CYP7B1: variants seen among roughly 807,000 people sequenced by gnomAD.
CYP7B1 encodes cytochrome P450 family 7 subfamily B member 1, also known as cytochrome P450 7B1.
CYP7B1 carries 29 observed loss-of-function variants against 42.7 expected under a neutral mutation model. The ratio of observed to expected loss-of-function variants is 0.68; its 90% CI spans 0.51 to 0.93. The LOEUF (loss-of-function observed/expected upper bound fraction) is 0.93. Ranked by LOEUF, CYP7B1 falls within the 40% of genes least tolerant of loss-of-function variation. CYP7B1 has a pLI of 0.00. For missense variants in CYP7B1, 655 were observed against 600.5 expected (o/e 1.09, Z -0.95); for synonymous variants, 235 against 218.2 (o/e 1.08, Z -0.68).
intron 1 of CYP7B1, among the ~76,000 whole-genome samples, chr8:64,743,929 G>A (rs1170084952): frequency 1.3e-5 from 2 of 152,132 alleles, no homozygotes; most frequent in African/African-American, 2.4e-5. Context: ...AAAGTGTTAT[G>A]AGCATTCTTA....
rs757310840 is a variant in CYP7B1, at chr8:64,720,049, C to T, written c.122+78417G>A. On this transcript the variant is annotated intron_variant, in intron 1 of 5. Coordinates refer to ENST00000310193, the MANE Select transcript of CYP7B1 (RefSeq NM_004820.5). The stretch of plus-strand genomic sequence containing the variant: ...CTTCAGACCTTTATGGTTTAATTCG[C>T]AATGGTGTCCCTTTTGTCTGCCTTA... Among the ~76,000 whole-genome samples the T allele has an allele frequency of 5.5e-4, 83 of 152,272 alleles. 1 individual carries two copies. Among genetic ancestry groups the T allele is most frequent in the Non-Finnish European group, 1.2e-3 (79 of 68,018 alleles).
intron 1 of CYP7B1, among the ~76,000 whole-genome samples, chr8:64,695,721 A>C (rs1032122302): frequency 6.7e-6 from 1 of 150,186 alleles, no homozygotes; most frequent in Non-Finnish European, 1.5e-5. Flanking sequence ...ATGTGTCATC[A>C]GCACCCGAAA....
At chr8:64,673,773 T>C (rs1806401830) in intron 1 of CYP7B1, among the ~76,000 whole-genome samples, 1 of 152,088 alleles carries the variant, frequency 6.6e-6, no homozygotes, top group Admixed American at 6.6e-5. Context: ...ATCTATGCCC[T>C]GCAAACCTGC....
chr8:64,649,239 C>A (rs1806000578), intron 1 of CYP7B1, among the ~76,000 whole-genome samples: 1 of 152,190 alleles, frequency 6.6e-6, no homozygotes, highest in Non-Finnish European at 1.5e-5. Context: ...CCCTTGGCAA[C>A]TACCTTTTTA....
chr8:64,690,259 C>G (rs1485759512), intron 1 of CYP7B1, among the ~76,000 whole-genome samples: 1 of 152,152 alleles, frequency 6.6e-6, no homozygotes, highest in East Asian at 1.9e-4. Flanking sequence ...AAAAATTAAT[C>G]TGGCATGGTG....
intron 1 of CYP7B1, among the ~76,000 whole-genome samples, chr8:64,714,181 C>T (rs1807121490): frequency 6.6e-6 from 1 of 152,204 alleles, no homozygotes; most frequent in Non-Finnish European, 1.5e-5. Context: ...GTGCAATGGA[C>T]AAACATTAAC....
chr8:64,753,421 A>G (rs1273134805), intron 1 of CYP7B1, among the ~76,000 whole-genome samples: 1 of 152,228 alleles, frequency 6.6e-6, no homozygotes, highest in Non-Finnish European at 1.5e-5. Context: ...CTAAGCAAGT[A>G]TATGTAGACG....
At chr8:64,693,771 G>A (rs548316305) in intron 1 of CYP7B1, among the ~76,000 whole-genome samples, 3 of 152,046 alleles carry the variant, frequency 2.0e-5, no homozygotes, top group South Asian at 4.1e-4. Flanking sequence ...ACATATATAC[G>A]TGTGTGTGTG....
rs71260892 is a variant in CYP7B1, at chr8:64,624,951, C to CTTTT, written c.123-416_123-413dup. On this transcript the variant is annotated intron_variant, in intron 1 of 5. Transcript: ENST00000310193. ...AGTCCCCAAAGTCCATTATATCATT[C>CTTTT]TTTTTTTTTTTTTTTTTTTTTTTTT... 7.4e-3 allele frequency among the ~76,000 whole-genome samples: 402 copies of CTTTT among 54,070 alleles called. 74 individuals are homozygous for CTTTT. Among genetic ancestry groups the CTTTT allele is most frequent in the East Asian group, 0.015 (24 of 1,588 alleles). 35.5% of individuals were successfully genotyped at this position (54,070 alleles called of 152,430 possible).
At chr8:64,616,391 T>A (rs1312021794) in intron 2 of CYP7B1, 110 bp from the exon 3 acceptor site, 5 of 746,928 alleles carry the variant, frequency 6.7e-6, no homozygotes, top group Non-Finnish European at 1.1e-5. Flanking sequence ...CCCTAATAAC[T>A]AAGGCAAAAA....
chr8:64,755,399 C>T (rs557555960), intron 1 of CYP7B1, among the ~76,000 whole-genome samples: 21 of 152,124 alleles, frequency 1.4e-4, no homozygotes, highest in South Asian at 2.1e-4. Flanking sequence ...AACCAGAGTC[C>T]GGCAATTTAT....
chr8:64,791,272 T>C (rs924553895), intron 1 of CYP7B1, among the ~76,000 whole-genome samples: 2 of 152,244 alleles, frequency 1.3e-5, no homozygotes, highest in African/African-American at 4.8e-5. Flanking sequence ...AAGGTCATTA[T>C]TGATATCAAA....
At chr8:64,612,673 A>G (rs1805379389) in intron 4 of CYP7B1, among the ~76,000 whole-genome samples, 2 of 152,124 alleles carry the variant, frequency 1.3e-5, no homozygotes, top group South Asian at 4.1e-4. Flanking sequence ...TTACTGTAAT[A>G]GTGCCCAAAT....
intron 1 of CYP7B1, among the ~76,000 whole-genome samples, chr8:64,731,389 G>A (rs1807406559): frequency 6.6e-6 from 1 of 152,254 alleles, no homozygotes; most frequent in Non-Finnish European, 1.5e-5. Context: ...TTCTTGCTAT[G>A]TTTTAGCAAA....
Position 64,798,679 on chromosome 8 carries a change from G to T in CYP7B1, c.-92C>A, listed in dbSNP as rs973607822. ...GCAGCCTGCGGCGGCTTCTCTCGGC[G>T]GCGCCCCCTAGTCCAGGGCCGGAGA... On this transcript the variant is annotated 5_prime_UTR_variant, in exon 1 of 6. Transcript: ENST00000310193. The T allele has an allele frequency of 2.3e-5, 31 of 1,368,754 alleles. No individual in the cohort carries two copies. Among genetic ancestry groups the T allele is most frequent in the African/African-American group, 7.7e-5 (5 of 64,846 alleles). The allele number at this position is 1,368,754 out of a possible 1,614,324, so 84.8% of individuals were successfully genotyped here. A position where few individuals can be genotyped will look rare whatever the true frequency, so the allele number is the denominator to read the frequency against.
chr8:64,785,941 C>A (rs1804519185), intron 1 of CYP7B1, among the ~76,000 whole-genome samples: 1 of 152,130 alleles, frequency 6.6e-6, no homozygotes, highest in African/African-American at 2.4e-5. Flanking sequence ...CTTCACATGA[C>A]AACAGAACAG....
chr8:64,788,203 GA>G (rs1804560326), intron 1 of CYP7B1, among the ~76,000 whole-genome samples: 1 of 152,186 alleles, frequency 6.6e-6, no homozygotes, highest in Non-Finnish European at 1.5e-5. Flanking sequence ...TATCAATATT[GA>G]CTTCTCAATT....
At chr8:64,617,686 G>A (rs1233753642) in intron 2 of CYP7B1, among the ~76,000 whole-genome samples, 3 of 151,962 alleles carry the variant, frequency 2.0e-5, no homozygotes, top group African/African-American at 4.8e-5. Context: ...GTGTCTGTGT[G>A]TCTGTGTGTG....
At chr8:64,752,372 TTG>T (rs562224871) in intron 1 of CYP7B1, among the ~76,000 whole-genome samples, 45 of 149,390 alleles carry the variant, frequency 3.0e-4, no homozygotes, top group Admixed American at 2.9e-3. Context: ...GTTAAATAAA[TTG>T]TGTGTGTGTA....
Sources: gnomAD v4.1 joint callset for allele counts (sites outside exome capture counted in the v4.1 genomes callset) on GRCh38, gnomAD v4.1.1 for gene constraint, MANE v1.5 for transcripts, NCBI Gene and HGNC (gene_info 2026-07-23, HGNC 2026-07-21) for gene names.